Variants in C12orf56 observed in about 807,000 individuals in gnomAD.
The protein encoded by C12orf56 is chromosome 12 open reading frame 56.
In C12orf56, 71 loss-of-function variants were observed where a neutral mutation model predicts 69.9. The observed-to-expected ratio is 1.02, with a 90% confidence interval of 0.84 to 1.24. The LOEUF (loss-of-function observed/expected upper bound fraction) is 1.24, where lower values mean the gene tolerates loss of function less well. Among genes scored for constraint, C12orf56 ranks in the 50% most tolerant of loss-of-function variants. The pLI, the probability that C12orf56 is intolerant of heterozygous loss-of-function variation, is 0.00. For synonymous variants in C12orf56, 276 were observed against 274.1 expected, an observed-to-expected ratio of 1.01 and a Z score of -0.07; for missense variants, 732 against 738.5, an observed-to-expected ratio of 0.99 and a Z score of 0.10.
intron 4 of C12orf56, among the ~76,000 whole-genome samples, chr12:64,313,120 G>A (rs11175333): frequency 0.41 from 62,520 of 150,926 alleles, 13,035 homozygotes; most frequent in African/African-American, 0.43. Flanking sequence ...AAATTAGCCG[G>A]GCATGGTGGC....
chr12:64,317,303 G>A (rs770335489), intron 4 of C12orf56, among the ~76,000 whole-genome samples: 10 of 151,918 alleles, frequency 6.6e-5, no homozygotes, highest in Non-Finnish European at 1.3e-4. Flanking sequence ...TTATTATTAT[G>A]TTGAAAGATC....
intron 1 of C12orf56, among the ~76,000 whole-genome samples, chr12:64,359,882 T>A (rs2039375548): frequency 1.3e-5 from 2 of 151,942 alleles, no homozygotes; most frequent in African/African-American, 4.8e-5. Context: ...GTCCGGCTAA[T>A]TTTTGTAGTT....
intron 3 of C12orf56, among the ~76,000 whole-genome samples, chr12:64,322,711 A>G (rs1303634934): frequency 1.3e-5 from 2 of 152,154 alleles, no homozygotes; most frequent in African/African-American, 4.8e-5. Flanking sequence ...AAAACATGGC[A>G]CCTAGGAGGT....
intron 2 of C12orf56, among the ~76,000 whole-genome samples, chr12:64,352,114 TTG>T (rs773065686): frequency 1.2e-4 from 6 of 49,946 alleles, no homozygotes; most frequent in African/African-American, 3.9e-4. Context: ...TTTTTTTTTT[TTG>T]TTTTTTTTTT....
chr12:64,303,966 G>A (rs1371908641), intron 5 of C12orf56, among the ~76,000 whole-genome samples, 187 bp from the exon 6 acceptor site: 4 of 152,054 alleles, frequency 2.6e-5, no homozygotes, highest in Non-Finnish European at 2.9e-5. Context: ...TGTTTATTAC[G>A]CTCCAAACAT....
At position 64,270,577 on chromosome 12, in the gene C12orf56, AG is replaced by A. The variant is rs2037972508; in HGVS notation, c.1721del (p.Thr574IlefsTer2). On this transcript the variant is annotated frameshift_variant, in exon 12 of 13. Transcript: ENST00000543942. LOFTEE classifies it high-confidence loss of function. ...ILKSCLRHSR[T>X]LAEYIRNNYR... ...AGTTATTCCTAATATACTCAGCTAG[AG>A]TCCTGCTGTGCCGCAGACAGCTCTT... The A allele has an allele frequency of 6.2e-7, 1 of 1,611,018 alleles. No homozygotes were observed. The highest frequency in any genetic ancestry group is 1.3e-5 in the African/African-American group (1 of 74,810).
intron 2 of C12orf56, among the ~76,000 whole-genome samples, chr12:64,352,099 GTTTTT>G (rs55762803): frequency 1.0e-3 from 149 of 148,770 alleles, no homozygotes; most frequent in South Asian, 6.9e-3. Context: ...TTTTGTTTTT[GTTTTT>G]TTTTTTTTTT....
At chr12:64,309,250 C>T (rs551626635) in intron 5 of C12orf56, among the ~76,000 whole-genome samples, 13 of 152,238 alleles carry the variant, frequency 8.5e-5, no homozygotes, top group Admixed American at 7.9e-4. Flanking sequence ...TTTCATCTTT[C>T]CAAACAGAAA....
intron 4 of C12orf56, among the ~76,000 whole-genome samples, chr12:64,313,274 A>AAAAAGAAAGAGAGAAAGAAAGAAAGAAAG (rs762664621): frequency 7.4e-5 from 6 of 81,426 alleles, no homozygotes; most frequent in Non-Finnish European, 1.4e-4. Flanking sequence ...AAAAAAAAAA[A>AAAAAGAAAGAGAGAAAGAAAGAAAGAAAG]AAAGAAAGAA....
intron 4 of C12orf56, among the ~76,000 whole-genome samples, chr12:64,318,060 G>GT (rs112479211): frequency 0.99 from 149,823 of 152,010 alleles, 73,871 homozygotes; most frequent in Middle Eastern, 1. Flanking sequence ...AACCCCAGGT[G>GT]ATTTTTGTTT....
chr12:64,280,778 C>A (rs2038112179), intron 8 of C12orf56, among the ~76,000 whole-genome samples: 1 of 152,086 alleles, frequency 6.6e-6, no homozygotes, highest in African/African-American at 2.4e-5. Flanking sequence ...CAGCAATCAC[C>A]CAAATGAGCT....
intron 2 of C12orf56, among the ~76,000 whole-genome samples, chr12:64,351,666 G>A (rs1383263304): frequency 1.3e-5 from 2 of 152,080 alleles, no homozygotes; most frequent in East Asian, 3.9e-4. Flanking sequence ...GCACCCTGAT[G>A]TGGTCCCTGA....
Position 64,315,313 on chromosome 12 carries a change from T to G in C12orf56, c.895-2561A>C, listed in dbSNP as rs1357260053. Among the ~76,000 whole-genome samples the G allele has an allele frequency of 2.3e-4, 35 of 151,954 alleles. 1 individual carries two copies. The highest frequency in any genetic ancestry group is 6.8e-3 in the Middle Eastern group (2 of 292). On this transcript the variant is annotated intron_variant, in intron 4 of 12. Transcript: ENST00000543942. ...CTTTTGTCATTGTTCTACGTTTTTT[T>G]TTTTTTTTTTAAAGCAGCCTTTCTT...
At position 64,285,964 on chromosome 12, in the gene C12orf56, C is replaced by T. The variant is rs1489845765; in HGVS notation, c.1210G>A (p.Asp404Asn). Residue 404 changes from aspartate (D) to asparagine (N), a missense_variant, in exon 7 of 13, where the codon GAT becomes AAT. Coordinates refer to ENST00000543942, the MANE Select transcript of C12orf56 (RefSeq NM_001170633.2). ...CTAGTTAGTACTTACACCAGCTCATCAACCCTTTGGCTTTGATTTTGTAGT... is the reference window on the plus strand; with the variant it reads ...CTAGTTAGTACTTACACCAGCTCATTAACCCTTTGGCTTTGATTTTGTAGT... ...NALQNQSQRV[D>N]ELVACIEIIQ... The T allele has an allele frequency of 6.3e-7, 1 of 1,595,434 alleles. No individual in the cohort carries two copies. Among genetic ancestry groups the T allele is most frequent in the Non-Finnish European group, 8.6e-7 (1 of 1,167,788 alleles).
In C12orf56 at chr12:64,316,466, C is replaced by T. The variant is rs140328783; in HGVS notation, c.894+2109G>A. Among the ~76,000 whole-genome samples the T allele has an allele frequency of 2.5e-4, 38 of 152,242 alleles. 1 individual carries two copies. In the East Asian group the frequency reaches 3.5e-3, roughly 14 times the overall value. On this transcript the variant is annotated intron_variant, in intron 4 of 12. Transcript: ENST00000543942. ...TGGAGTGCAGTAGTGTGCAGCAGAG[C>T]TTCTAACTCCTGGGCTCAAACGATC...
At chr12:64,298,106 T>C (rs2038392853) in intron 6 of C12orf56, among the ~76,000 whole-genome samples, 1 of 152,180 alleles carries the variant, frequency 6.6e-6, no homozygotes, top group South Asian at 2.1e-4. Flanking sequence ...TATCTCATTG[T>C]GGTTTTGATT....
chr12:64,367,844 G>C (rs1213851562), intron 1 of C12orf56, among the ~76,000 whole-genome samples: 1 of 144,346 alleles, frequency 6.9e-6, no homozygotes, highest in African/African-American at 2.6e-5. Flanking sequence ...GTCTTGCTCT[G>C]TCACCCAGGC....
chr12:64,277,644 A>ATATT, intron 9 of C12orf56, 36 bp downstream of exon 9: 1 of 1,320,250 alleles, frequency 7.6e-7, no homozygotes. Flanking sequence ...ATATATATAT[A>ATATT]TATATAATAG....
At chr12:64,271,234 G>A (rs2037986782) in intron 11 of C12orf56, among the ~76,000 whole-genome samples, 1 of 152,098 alleles carries the variant, frequency 6.6e-6, no homozygotes. Context: ...GGGAGGCTGA[G>A]GCGGGTAGAT....
Sources: gnomAD v4.1 joint callset for allele counts (sites outside exome capture counted in the v4.1 genomes callset) on GRCh38, gnomAD v4.1.1 for gene constraint, MANE v1.5 for transcripts, NCBI Gene and HGNC (gene_info 2026-07-23, HGNC 2026-07-21) for gene names.